REV3L: variants seen among roughly 807,000 people sequenced by gnomAD.
The protein encoded by REV3L is REV3 like, DNA directed polymerase zeta catalytic subunit, also known as DNA polymerase zeta catalytic subunit.
Under a neutral mutation model 299.4 loss-of-function variants are expected in REV3L, and 69 were observed. The observed-to-expected ratio is 0.23, with a 90% CI of 0.19 to 0.28. The LOEUF (loss-of-function observed/expected upper bound fraction) is 0.28, where lower values mean the gene tolerates loss of function less well. Among genes scored for constraint, REV3L ranks in the 10% least tolerant of loss-of-function variants. REV3L has a pLI of 1.00. For missense variants in REV3L, 3,128 were observed against 3,693.8 expected (o/e 0.85, Z 3.97); for synonymous variants, 1,238 against 1,271.4 (o/e 0.97, Z 0.56).
At chr6:111,415,208 A>G (rs1784625733) in intron 2 of REV3L, among the ~76,000 whole-genome samples, 1 of 152,174 alleles carries the variant, frequency 6.6e-6, no homozygotes, top group Non-Finnish European at 1.5e-5. Context: ...CCAAGAATGT[A>G]GTTCTACCAA....
intron 1 of REV3L, among the ~76,000 whole-genome samples, chr6:111,476,822 C>T (rs1232640935): frequency 6.6e-6 from 1 of 152,162 alleles, no homozygotes; most frequent in Non-Finnish European, 1.5e-5. Flanking sequence ...ATCATGCAAT[C>T]ATGCATTTTG....
At chr6:111,475,700 A>G (rs1442320940) in intron 1 of REV3L, among the ~76,000 whole-genome samples, 4 of 152,164 alleles carry the variant, frequency 2.6e-5, no homozygotes, top group African/African-American at 7.2e-5. Flanking sequence ...CCCTTTGTGA[A>G]GTATACAAAT....
chr6:111,435,936 T>A (rs1054468853), intron 1 of REV3L, among the ~76,000 whole-genome samples: 1 of 152,102 alleles, frequency 6.6e-6, no homozygotes, highest in Non-Finnish European at 1.5e-5. Context: ...CCAAAATATA[T>A]AAGGAGCTCA....
intron 7 of REV3L, among the ~76,000 whole-genome samples, chr6:111,388,354 A>G (rs1269631269): frequency 6.6e-6 from 1 of 152,148 alleles, no homozygotes; most frequent in African/African-American, 2.4e-5. Flanking sequence ...CTACCTATAA[A>G]TATATTGTAT....
At chr6:111,441,051 T>G (rs747558384) in intron 1 of REV3L, among the ~76,000 whole-genome samples, 7 of 152,194 alleles carry the variant, frequency 4.6e-5, no homozygotes, top group Non-Finnish European at 8.8e-5. Context: ...TTTCCTGCAG[T>G]TTGAATATGA....
chr6:111,418,646 T>C (rs1276040898), intron 1 of REV3L, among the ~76,000 whole-genome samples: 1 of 152,216 alleles, frequency 6.6e-6, no homozygotes, highest in Non-Finnish European at 1.5e-5. Flanking sequence ...AGAATCCAGC[T>C]CAACAAAACC....
At chr6:111,453,185 C>T (rs189953417) in intron 1 of REV3L, among the ~76,000 whole-genome samples, 37 of 152,202 alleles carry the variant, frequency 2.4e-4, no homozygotes, top group Middle Eastern at 3.4e-3. Context: ...CATCCCAGAC[C>T]TACTCCATCC....
intron 1 of REV3L, among the ~76,000 whole-genome samples, chr6:111,443,389 A>G (rs936218622): frequency 2.0e-5 from 3 of 151,814 alleles, no homozygotes; most frequent in African/African-American, 7.3e-5. Context: ...ATTGTGATCC[A>G]CCGCGCCCGG....
chr6:111,346,607 CTGAGTAG>C (rs529226250), intron 20 of REV3L, among the ~76,000 whole-genome samples: 1 of 152,166 alleles, frequency 6.6e-6, no homozygotes, highest in Non-Finnish European at 1.5e-5. Context: ...CCTGAGTCTC[CTGAGTAG>C]CTGGGACTAT....
At chr6:111,464,871 G>A (rs1476073695) in intron 1 of REV3L, among the ~76,000 whole-genome samples, 5 of 151,746 alleles carry the variant, frequency 3.3e-5, no homozygotes, top group African/African-American at 7.3e-5. Context: ...ACATGGCAGC[G>A]TGCGCCTATA....
intron 1 of REV3L, among the ~76,000 whole-genome samples, chr6:111,482,131 A>T (rs1793771489): frequency 6.6e-6 from 1 of 151,970 alleles, no homozygotes; most frequent in Non-Finnish European, 1.5e-5. Flanking sequence ...CAGGCACTAA[A>T]CTCTAAGGAG....
At chr6:111,337,341 AT>A (rs1776008016) in intron 21 of REV3L, among the ~76,000 whole-genome samples, 1 of 152,194 alleles carries the variant, frequency 6.6e-6, no homozygotes, top group Non-Finnish European at 1.5e-5. Flanking sequence ...AGAAACAGAA[AT>A]TTTGTTTCAT....
intron 1 of REV3L, among the ~76,000 whole-genome samples, chr6:111,472,580 GAA>G (rs771320199): frequency 7.2e-6 from 1 of 138,268 alleles, no homozygotes; most frequent in African/African-American, 2.7e-5. Context: ...GGCCAAAAAA[GAA>G]AAAAAAAAAC....
At chr6:111,464,598 T>G (rs1791197304) in intron 1 of REV3L, among the ~76,000 whole-genome samples, 3 of 151,990 alleles carry the variant, frequency 2.0e-5, no homozygotes, top group Admixed American at 2.0e-4. Context: ...AAGATATAAA[T>G]GGAACTCTTA....
intron 27 of REV3L, among the ~76,000 whole-genome samples, chr6:111,314,553 C>T (rs1773317037): frequency 6.6e-6 from 1 of 152,192 alleles, no homozygotes; most frequent in South Asian, 2.1e-4. Context: ...GGTAAGCAAG[C>T]TTCAGATGGT....
At position 111,482,944 on chromosome 6, in the gene REV3L, A is replaced by AGCG. The variant is rs1290544200; in HGVS notation, c.-59_-57dup. The AGCG allele has an allele frequency of 2.0e-5, 29 of 1,461,448 alleles. No individual in the cohort carries two copies. The highest frequency in any genetic ancestry group is 7.1e-5 in the South Asian group (5 of 70,326). 90.5% of individuals were successfully genotyped at this position (1,461,448 alleles called of 1,614,324 possible). ...CTGGCGACCCGGCAGCGGCAGCAGC[A>AGCG]GCGGCGGCGGCTCCCTCCGCAGCGG... On this transcript the variant is annotated 5_prime_UTR_variant, in exon 1 of 32. Coordinates refer to ENST00000368802, the MANE Select transcript of REV3L (RefSeq NM_001372078.1).
intron 1 of REV3L, among the ~76,000 whole-genome samples, chr6:111,472,752 A>C (rs1792391542): frequency 6.6e-6 from 1 of 152,220 alleles, no homozygotes; most frequent in Non-Finnish European, 1.5e-5. Flanking sequence ...AAACCCACAG[A>C]GAGCTGGAAG....
chr6:111,408,602 A>AAAAACAAAACAAAACCAAAC (rs1783894215), intron 3 of REV3L, among the ~76,000 whole-genome samples: 1 of 148,006 alleles, frequency 6.8e-6, no homozygotes. Flanking sequence ...ACTCCATCTT[A>AAAAACAAAACAAAACCAAAC]AAAACAAAAC....
At chr6:111,310,814 G>A (rs957929927) in intron 29 of REV3L, 4 of 366,032 alleles carry the variant, frequency 1.1e-5, no homozygotes, top group Non-Finnish European at 1.5e-5. Context: ...TGATTTTGAT[G>A]TGGGAAAAAC....
Sources: gnomAD v4.1 joint callset for allele counts (sites outside exome capture counted in the v4.1 genomes callset) on GRCh38, gnomAD v4.1.1 for gene constraint, MANE v1.5 for transcripts, NCBI Gene and HGNC (gene_info 2026-07-23, HGNC 2026-07-21) for gene names.